The following DIAPH2 variants were observed in gnomAD, a reference collection of about 807,000 sequenced individuals.
DIAPH2 encodes diaphanous related formin 2, also known as protein diaphanous homolog 2.
A neutral mutation model predicts 92.7 loss-of-function variants in DIAPH2; 35 were observed. That is an observed-to-expected ratio of 0.38 (90% CI 0.29 to 0.50). The LOEUF (loss-of-function observed/expected upper bound fraction) is 0.50, where lower values mean the gene tolerates loss of function less well. Ranked by LOEUF, DIAPH2 falls within the 20% of genes least tolerant of loss-of-function variation. The pLI is 0.94. For synonymous variants in DIAPH2, 301 were observed against 280.4 expected (o/e 1.07, Z -0.73); for missense variants, 701 against 819.5 (o/e 0.86, Z 1.77).
At chrX:97,229,061 A>G (rs1337931809) in intron 22 of DIAPH2, among the ~76,000 whole-genome samples, 1 of 111,509 alleles carries the variant, frequency 9.0e-6, no homozygotes, top group East Asian at 2.8e-4. Flanking sequence ...GGGTTTATAA[A>G]AGCTTTTCCT....
At chrX:96,825,400 G>T in intron 4 of DIAPH2, among the ~76,000 whole-genome samples, 1 of 94,882 alleles carries the variant, frequency 1.1e-5, no homozygotes, top group Non-Finnish European at 2.1e-5. Context: ...AATATGGTTA[G>T]TTATAAGTTG....
Position 97,551,857 on chromosome X carries a change from T to A in DIAPH2, c.3242-47396T>A, listed in dbSNP as rs776673773. On this transcript the variant is annotated intron_variant, in intron 26 of 26. Coordinates refer to ENST00000324765, the MANE Select transcript of DIAPH2 (RefSeq NM_006729.5). ...TTTGCCTTCTCCTTATTCTCCAGACTGGCATTGTGAAGATGAGAGCCAACA... is the reference window on the plus strand; with the variant it reads ...TTTGCCTTCTCCTTATTCTCCAGACAGGCATTGTGAAGATGAGAGCCAACA... Among the ~76,000 whole-genome samples the A allele has an allele frequency of 6.3e-5, 7 of 111,688 alleles. No homozygotes were observed. In the East Asian group the frequency reaches 2.0e-3, roughly 31 times the overall value.
intron 23 of DIAPH2, among the ~76,000 whole-genome samples, chrX:97,342,200 T>C (rs1204367004): frequency 8.9e-6 from 1 of 112,396 alleles, no homozygotes; most frequent in Non-Finnish European, 1.9e-5. Flanking sequence ...TGTAAAAATA[T>C]TCTCAGTAAA....
intron 22 of DIAPH2, among the ~76,000 whole-genome samples, chrX:97,240,463 G>A (rs1203508348): frequency 9.1e-5 from 10 of 110,293 alleles, no homozygotes; most frequent in African/African-American, 3.3e-4. Flanking sequence ...AAAGTTAGCC[G>A]GGCGTGGTGG....
chrX:97,307,042 C>T (rs1412997963), intron 23 of DIAPH2, among the ~76,000 whole-genome samples: 2 of 111,451 alleles, frequency 1.8e-5, no homozygotes, highest in African/African-American at 3.3e-5. Context: ...TGAGACCAGA[C>T]CCCTCTGGGT....
At chrX:97,340,034 G>A in intron 23 of DIAPH2, among the ~76,000 whole-genome samples, 1 of 111,671 alleles carries the variant, frequency 9.0e-6, no homozygotes. Flanking sequence ...GATGGGAAGA[G>A]GTCACTCTAC....
chrX:97,536,358 G>A (rs1050665594), intron 26 of DIAPH2, among the ~76,000 whole-genome samples: 1 of 111,520 alleles, frequency 9.0e-6, no homozygotes, highest in Non-Finnish European at 1.9e-5. Context: ...AGTACTTCTG[G>A]CTCATTGGAA....
intron 26 of DIAPH2, among the ~76,000 whole-genome samples, chrX:97,527,052 C>T (rs184695973): frequency 2.4e-3 from 263 of 111,517 alleles, no homozygotes; most frequent in Non-Finnish European, 4.1e-3. Context: ...TGGTAGGCAA[C>T]GACATATAAT....
intron 5 of DIAPH2, among the ~76,000 whole-genome samples, chrX:96,883,379 G>GT (rs2065232892): frequency 9.3e-6 from 1 of 107,434 alleles, no homozygotes; most frequent in Non-Finnish European, 1.9e-5. Context: ...TTTGTTTTTT[G>GT]TTTTTTGTTT....
At chrX:96,819,031 C>G (rs1243143142) in intron 4 of DIAPH2, among the ~76,000 whole-genome samples, 1 of 112,452 alleles carries the variant, frequency 8.9e-6, no homozygotes, top group African/African-American at 3.2e-5. Context: ...CTATGAGAAT[C>G]TAATGCTGGT....
At chrX:96,886,169 A>G (rs2065260489) in intron 5 of DIAPH2, among the ~76,000 whole-genome samples, 1 of 110,441 alleles carries the variant, frequency 9.1e-6, no homozygotes, top group Admixed American at 9.8e-5. Flanking sequence ...TGTAGATTAT[A>G]TAAATTATGT....
At chrX:97,516,274 A>T (rs1261037492) in intron 26 of DIAPH2, among the ~76,000 whole-genome samples, 1 of 111,361 alleles carries the variant, frequency 9.0e-6, no homozygotes, top group Non-Finnish European at 1.9e-5. Context: ...AATAAATAAA[A>T]AAAAAGCCAT....
chrX:97,525,679 A>G (rs757008558), intron 26 of DIAPH2, among the ~76,000 whole-genome samples: 1 of 112,644 alleles, frequency 8.9e-6, no homozygotes, highest in African/African-American at 3.2e-5. Context: ...GCCTTGAGGT[A>G]CAGTATAAGT....
intron 1 of DIAPH2, among the ~76,000 whole-genome samples, chrX:96,717,751 G>A (rs1395041645): frequency 1.0e-5 from 1 of 96,562 alleles, no homozygotes; most frequent in African/African-American, 3.7e-5. Context: ...TATTTCTTGT[G>A]CTGGGGTTCT....
At chrX:97,004,923 A>T (rs1602707121) in intron 17 of DIAPH2, among the ~76,000 whole-genome samples, 1 of 111,814 alleles carries the variant, frequency 8.9e-6, no homozygotes, top group Middle Eastern at 4.7e-3. Flanking sequence ...TTTCAGTATG[A>T]TGCTAGCTGT....
intron 17 of DIAPH2, among the ~76,000 whole-genome samples, chrX:97,050,101 C>T (rs1284267758): frequency 9.0e-6 from 1 of 111,148 alleles, no homozygotes; most frequent in Non-Finnish European, 1.9e-5. Context: ...TGTTTATTAT[C>T]AGTGCTGTAT....
At chrX:97,280,436 G>T (rs886656046) in intron 23 of DIAPH2, among the ~76,000 whole-genome samples, 10 of 111,140 alleles carry the variant, frequency 9.0e-5, no homozygotes, top group African/African-American at 3.3e-4. Flanking sequence ...TCGTGCCACT[G>T]CACTCCAGCC....
At chrX:97,443,396 C>G (rs2070279514) in intron 26 of DIAPH2, among the ~76,000 whole-genome samples, 1 of 112,266 alleles carries the variant, frequency 8.9e-6, no homozygotes, top group African/African-American at 3.2e-5. Context: ...CTATATTCTG[C>G]TGTTAAAAGA....
At chrX:97,504,005 G>A (rs763004661) in intron 26 of DIAPH2, among the ~76,000 whole-genome samples, 82 of 111,739 alleles carry the variant, frequency 7.3e-4, no homozygotes, top group African/African-American at 2.5e-3. Context: ...TAGTTGCAAC[G>A]TAGTGATGAG....
Sources: allele counts gnomAD v4.1 joint callset (sites outside exome capture counted in the v4.1 genomes callset), GRCh38; gene constraint gnomAD v4.1.1; transcripts MANE v1.5; gene names NCBI Gene and HGNC (gene_info 2026-07-23, HGNC 2026-07-21).